Variants in IQGAP1 observed in about 807,000 individuals in gnomAD.
IQGAP1 encodes IQ motif containing GTPase activating protein 1.
Under a neutral mutation model 215.6 loss-of-function variants are expected in IQGAP1, and 66 were observed. The ratio of observed to expected loss-of-function variants is 0.31; its 90% CI spans 0.25 to 0.38. The LOEUF (loss-of-function observed/expected upper bound fraction) is 0.38. IQGAP1 is among the 10% of genes least tolerant of loss of function. IQGAP1 has a pLI of 1.00. For missense variants in IQGAP1, 1,712 were observed against 1,997.1 expected, an observed-to-expected ratio of 0.86 and a Z score of 2.72; for synonymous variants, 772 against 728.7, an observed-to-expected ratio of 1.06 and a Z score of -0.96.
At chr15:90,419,606 T>A (rs1274903711) in intron 2 of IQGAP1, among the ~76,000 whole-genome samples, 1 of 152,182 alleles carries the variant, frequency 6.6e-6, no homozygotes, top group African/African-American at 2.4e-5. Context: ...ATAAAAAATA[T>A]AAGAGTTTTG....
At chr15:90,478,413 C>T (rs1444449901) in intron 26 of IQGAP1, among the ~76,000 whole-genome samples, 1 of 152,116 alleles carries the variant, frequency 6.6e-6, no homozygotes, top group Non-Finnish European at 1.5e-5. Context: ...GAGATGTGTA[C>T]AGTAATGCAA....
At chr15:90,451,841 T>C (rs1965608332) in intron 11 of IQGAP1, among the ~76,000 whole-genome samples, 1 of 151,888 alleles carries the variant, frequency 6.6e-6, no homozygotes, top group Non-Finnish European at 1.5e-5. Context: ...CCCTTTTTTT[T>C]TTTTTTTGAG....
At chr15:90,494,937 G>T (rs755368589) in intron 36 of IQGAP1, 102 bp downstream of exon 36, 2 of 774,326 alleles carry the variant, frequency 2.6e-6, no homozygotes, top group Non-Finnish European at 4.2e-6. Context: ...GTTACTTTTA[G>T]TATTTTTTAT....
intron 2 of IQGAP1, among the ~76,000 whole-genome samples, chr15:90,420,943 A>G (rs1965125408): frequency 6.6e-6 from 1 of 152,120 alleles, no homozygotes; most frequent in South Asian, 2.1e-4. Flanking sequence ...ACTTGAGGTC[A>G]GGAGTTCAAG....
At chr15:90,498,213 A>G (rs1966297803) in intron 37 of IQGAP1, among the ~76,000 whole-genome samples, 1 of 152,118 alleles carries the variant, frequency 6.6e-6, no homozygotes, top group Non-Finnish European at 1.5e-5. Context: ...TCTCCCCGCT[A>G]AAGCCATAAA....
At chr15:90,454,972 G>A (rs964744674) in intron 14 of IQGAP1, among the ~76,000 whole-genome samples, 1 of 152,148 alleles carries the variant, frequency 6.6e-6, no homozygotes, top group Admixed American at 6.6e-5. Context: ...CCTTCTACCC[G>A]CTCAGGTTTA....
At position 90,500,014 on chromosome 15, in the gene IQGAP1, A is replaced by T. The variant is rs1020859135; in HGVS notation, c.4880A>T (p.Tyr1627Phe). ...LHYQDLLQLQ[Y>F]EGVAVMKLFD... Reference sequence around the variant, plus strand: ...TAATAGGACCTGCTGCAGCTACAGTATGAAGGAGTTGCAGTCATGAAATTA... The same window carrying T: ...TAATAGGACCTGCTGCAGCTACAGTTTGAAGGAGTTGCAGTCATGAAATTA... Residue 1627 changes from tyrosine (Y) to phenylalanine (F), a missense_variant, in exon 38 of 38, where the codon TAT becomes TTT. This residue lies in a region of IQGAP1 where 691 missense variants were observed against 923.0 expected (regional missense o/e 0.75). Transcript: ENST00000268182. 5 of 1,604,970 alleles carry T rather than the reference A, an allele frequency of 3.1e-6. No individual in the cohort carries two copies. The highest frequency in any genetic ancestry group is 4.3e-6 in the Non-Finnish European group (5 of 1,171,688).
chr15:90,388,482 G>A, intron 1 of IQGAP1, 86 bp downstream of exon 1: 1 of 1,206,412 alleles, frequency 8.3e-7, no homozygotes, highest in Non-Finnish European at 1.1e-6. Context: ...CGGCCGGGCG[G>A]GTGGGGCAGG....
chr15:90,412,757 G>C (rs1964985017), intron 2 of IQGAP1, among the ~76,000 whole-genome samples: 1 of 152,186 alleles, frequency 6.6e-6, no homozygotes, highest in Non-Finnish European at 1.5e-5. Context: ...AATTTGGGAG[G>C]TTTTTAGCAT....
chr15:90,434,680 G>C (rs754011718), intron 5 of IQGAP1, among the ~76,000 whole-genome samples: 25 of 152,240 alleles, frequency 1.6e-4, no homozygotes, highest in Non-Finnish European at 2.8e-4. Flanking sequence ...TCTCTGAAAT[G>C]CTTGGGACCA....
Position 90,477,808 on chromosome 15 carries a change from A to G in IQGAP1, c.3248A>G (p.Lys1083Arg). The part of the protein sequence containing the change: ...APVVKEIMDD[K>R]SLNIKTDPVD... ...GTCGTGAAGGAAATTATGGATGACA[A>G]ATCTCTCAACATCAAAACTGACCCT... The change falls in exon 26 of 38, where the codon AAA becomes AGA. Residue 1083 changes from lysine (K) to arginine (R), a missense_variant. By Grantham distance (26) the Lys-to-Arg change is conservative. This residue lies in a region of IQGAP1 where 691 missense variants were observed against 923.0 expected (regional missense o/e 0.75). Transcript: ENST00000268182. 1.2e-6 allele frequency: 2 copies of G among 1,614,044 alleles called. No individual in the cohort carries two copies. Among genetic ancestry groups the G allele is most frequent in the Non-Finnish European group, 1.7e-6 (2 of 1,180,000 alleles).
At chr15:90,392,492 C>T (rs539326888) in intron 2 of IQGAP1, among the ~76,000 whole-genome samples, 1 of 152,158 alleles carries the variant, frequency 6.6e-6, no homozygotes, top group Non-Finnish European at 1.5e-5. Context: ...CTGAGGTGAC[C>T]TGGGGGTGAG....
At chr15:90,445,052 G>A (rs1336647061) in intron 9 of IQGAP1, among the ~76,000 whole-genome samples, 3 of 152,068 alleles carry the variant, frequency 2.0e-5, no homozygotes, top group African/African-American at 4.8e-5. Flanking sequence ...AGCCCAGGAG[G>A]TTGAGGCTAC....
At chr15:90,395,293 G>A (rs936840572) in intron 2 of IQGAP1, among the ~76,000 whole-genome samples, 1 of 150,170 alleles carries the variant, frequency 6.7e-6, no homozygotes, top group East Asian at 2.0e-4. Flanking sequence ...TTTTACATTT[G>A]TTTAGGCTAA....
At chr15:90,439,805 A>C (rs545863910) in intron 6 of IQGAP1, among the ~76,000 whole-genome samples, 7 of 152,276 alleles carry the variant, frequency 4.6e-5, no homozygotes, top group African/African-American at 1.7e-4. Context: ...TGACACAAAG[A>C]TGCCAATTTA....
chr15:90,488,514 A>G (rs1027307370), intron 33 of IQGAP1, among the ~76,000 whole-genome samples: 4 of 152,100 alleles, frequency 2.6e-5, no homozygotes, highest in Non-Finnish European at 5.9e-5. Flanking sequence ...GCCTTGGTAG[A>G]TAGAAGAAAA....
chr15:90,439,405 G>C lies in IQGAP1; in HGVS notation c.535+6G>C. ...TGGAAAGGTTGACTTCACAGGTAAG[G>C]AGTTAGATACTTGGCAGGAAATGCT... On this transcript the variant is annotated splice_donor_region_variant and intron_variant, in intron 6 of 37. Coordinates refer to ENST00000268182, the MANE Select transcript of IQGAP1 (RefSeq NM_003870.4). The C allele has an allele frequency of 6.2e-7, 1 of 1,609,414 alleles. No individual in the cohort carries two copies.
chr15:90,455,011 CAAGAAAATGCTAGACTT>C (rs1298468064), intron 14 of IQGAP1, among the ~76,000 whole-genome samples: 1 of 152,134 alleles, frequency 6.6e-6, no homozygotes, highest in Non-Finnish European at 1.5e-5. Context: ...TCACAGAACT[CAAGAAAATGCTAGACTT>C]ACGATTAAAA....
chr15:90,465,201 A>T lies in IQGAP1; in HGVS notation c.1777-800A>T, dbSNP rs375044126. Among the ~76,000 whole-genome samples the T allele has an allele frequency of 4.2e-3, 638 of 152,362 alleles. 2 individuals are homozygous for T. Among genetic ancestry groups the T allele is most frequent in the African/African-American group, 0.015 (610 of 41,578 alleles). ...TGAGAAATGTAGATTGCCTGTAGTG[A>T]CTTCTGGCTTTAAATGTGATGAGTC... is the stretch of plus-strand genomic sequence containing the variant. On this transcript the variant is annotated intron_variant, in intron 15 of 37. Coordinates refer to ENST00000268182, the MANE Select transcript of IQGAP1 (RefSeq NM_003870.4).
Sources: gnomAD v4.1 joint callset for allele counts (sites outside exome capture counted in the v4.1 genomes callset) on GRCh38, gnomAD v4.1.1 for gene constraint, gnomAD v4.1.1 regional missense constraint, MANE v1.5 for transcripts, NCBI Gene and HGNC (gene_info 2026-07-23, HGNC 2026-07-21) for gene names.